Variants in INPP4B observed in about 807,000 individuals in gnomAD.
The protein encoded by INPP4B is inositol polyphosphate-4-phosphatase type II B.
A neutral mutation model predicts 122.5 loss-of-function variants in INPP4B; 55 were observed. The ratio of observed to expected loss-of-function variants is 0.45; its 90% CI spans 0.36 to 0.56. The LOEUF is 0.56. Ranked by LOEUF, INPP4B falls within the 20% of genes least tolerant of loss-of-function variation. The pLI, the probability that INPP4B is intolerant of heterozygous loss-of-function variation, is 0.00. For synonymous variants in INPP4B, 403 were observed against 388.7 expected (o/e 1.04, Z -0.43); for missense variants, 1,000 against 1,097.7 (o/e 0.91, Z 1.26).
intron 22 of INPP4B, among the ~76,000 whole-genome samples, chr4:142,111,088 T>C (rs939358470): frequency 2.0e-5 from 3 of 152,142 alleles, no homozygotes; most frequent in Non-Finnish European, 4.4e-5. Context: ...AAATAGAATA[T>C]AATCTAATCC....
Position 142,804,979 on chromosome 4 carries a change from G to T in INPP4B, c.-254+41230C>A, listed in dbSNP as rs57708171. On this transcript the variant is annotated intron_variant, in intron 1 of 25. Transcript: ENST00000262992. ...ACCATGCTCGCCTAAATTCGAAGAG[G>T]GCAGGACTCTATCTGTATCAATCAC... is the stretch of plus-strand genomic sequence containing the variant. Among the ~76,000 whole-genome samples the T allele has an allele frequency of 8.0e-3, 1,221 of 152,062 alleles. 15 individuals carry two copies. The highest frequency in any genetic ancestry group is 0.028 in the African/African-American group (1,148 of 41,510).
chr4:142,239,253 C>T (rs529339832), intron 11 of INPP4B, among the ~76,000 whole-genome samples: 8 of 152,154 alleles, frequency 5.3e-5, no homozygotes, highest in African/African-American at 1.4e-4. Flanking sequence ...ATTTTGATTT[C>T]GAACATCCCA....
intron 2 of INPP4B, among the ~76,000 whole-genome samples, chr4:142,698,511 CT>C (rs1761306248): frequency 6.6e-6 from 1 of 152,140 alleles, no homozygotes; most frequent in Admixed American, 6.6e-5. Context: ...TCTGGACTTT[CT>C]GCAGATCTCA....
chr4:142,132,054 A>C (rs1485523772), intron 18 of INPP4B, among the ~76,000 whole-genome samples: 3 of 152,118 alleles, frequency 2.0e-5, no homozygotes, highest in Non-Finnish European at 2.9e-5. Flanking sequence ...GGGTGTGAAC[A>C]TCACCATATT....
chr4:142,331,321 G>T (rs140123311), intron 7 of INPP4B, among the ~76,000 whole-genome samples: 55 of 152,268 alleles, frequency 3.6e-4, no homozygotes, highest in African/African-American at 1.3e-3. Flanking sequence ...GCTCTCCAGG[G>T]ACAGTAGAGC....
chr4:142,709,191 C>T (rs80277857), intron 2 of INPP4B, among the ~76,000 whole-genome samples: 3,804 of 152,172 alleles, frequency 0.025, 72 homozygotes, highest in Non-Finnish European at 0.041. Flanking sequence ...GCCTATACTC[C>T]CATTGTATCT....
chr4:142,119,794 T>TAC (rs1471494813), intron 21 of INPP4B, among the ~76,000 whole-genome samples: 7 of 18,210 alleles, frequency 3.8e-4, no homozygotes, highest in African/African-American at 4.4e-4. Context: ...TTAAAGTATA[T>TAC]ATACACACAC....
chr4:142,447,534 G>A (rs1813164626), intron 3 of INPP4B, among the ~76,000 whole-genome samples: 1 of 152,152 alleles, frequency 6.6e-6, no homozygotes, highest in Non-Finnish European at 1.5e-5. Context: ...ATGGAGTGGT[G>A]GTGTTAGTCT....
intron 11 of INPP4B, among the ~76,000 whole-genome samples, chr4:142,248,023 C>G (rs1408906895): frequency 6.6e-6 from 1 of 152,056 alleles, no homozygotes; most frequent in East Asian, 1.9e-4. Context: ...GAAGGCATCA[C>G]CCCTCCTGCC....
At chr4:142,664,811 C>A (rs1755739373) in intron 2 of INPP4B, among the ~76,000 whole-genome samples, 1 of 152,062 alleles carries the variant, frequency 6.6e-6, no homozygotes, top group South Asian at 2.1e-4. Context: ...AACCAAAATC[C>A]TTATGTAGTC....
chr4:142,593,229 G>T (rs1230877136), intron 2 of INPP4B, among the ~76,000 whole-genome samples: 1 of 152,090 alleles, frequency 6.6e-6, no homozygotes, highest in African/African-American at 2.4e-5. Context: ...TAGGGAGTCA[G>T]AGGAAGTTTA....
chr4:142,063,947 T>G (rs907214105), intron 25 of INPP4B, among the ~76,000 whole-genome samples: 1 of 152,190 alleles, frequency 6.6e-6, no homozygotes, highest in Non-Finnish European at 1.5e-5. Flanking sequence ...TGTGGTGAAA[T>G]TTTAATTTAT....
At chr4:142,570,367 A>G (rs978915563) in intron 2 of INPP4B, among the ~76,000 whole-genome samples, 8 of 152,144 alleles carry the variant, frequency 5.3e-5, no homozygotes, top group Non-Finnish European at 1.0e-4. Flanking sequence ...CAATAAAAAA[A>G]TTAAGTAATA....
At chr4:142,749,184 A>G (rs895190009) in intron 1 of INPP4B, among the ~76,000 whole-genome samples, 1 of 147,084 alleles carries the variant, frequency 6.8e-6, no homozygotes, top group East Asian at 2.0e-4. Flanking sequence ...ATACCTTACC[A>G]TATATAATAT....
chr4:142,738,623 AG>A (rs1293872278), intron 1 of INPP4B, among the ~76,000 whole-genome samples: 2 of 150,878 alleles, frequency 1.3e-5, no homozygotes, highest in African/African-American at 4.9e-5. Context: ...ACAAAAAAAA[AG>A]AAGCTTCTCT....
At chr4:142,139,082 A>G (rs1002443650) in intron 18 of INPP4B, among the ~76,000 whole-genome samples, 4 of 152,204 alleles carry the variant, frequency 2.6e-5, no homozygotes, top group Admixed American at 2.6e-4. Context: ...CCCTTCAAAT[A>G]GAACTTACTC....
At chr4:142,128,738 G>C (rs896356872) in intron 18 of INPP4B, among the ~76,000 whole-genome samples, 2 of 152,118 alleles carry the variant, frequency 1.3e-5, no homozygotes, top group African/African-American at 4.8e-5. Flanking sequence ...GCATATTCAA[G>C]GGAAGCTCAC....
chr4:142,168,205 T>C (rs1233309186), intron 16 of INPP4B, among the ~76,000 whole-genome samples: 10 of 151,606 alleles, frequency 6.6e-5, no homozygotes, highest in Non-Finnish European at 1.0e-4. Flanking sequence ...ATTGAGCTTC[T>C]TGGGTCTGTA....
chr4:142,442,000 T>C (rs1811828646), intron 3 of INPP4B, among the ~76,000 whole-genome samples: 1 of 152,068 alleles, frequency 6.6e-6, no homozygotes, highest in Non-Finnish European at 1.5e-5. Flanking sequence ...ATGCATGATC[T>C]GAAATTGATG....
Sources: allele counts gnomAD v4.1 joint callset (sites outside exome capture counted in the v4.1 genomes callset), GRCh38; gene constraint gnomAD v4.1.1; transcripts MANE v1.5; gene names NCBI Gene and HGNC (gene_info 2026-07-23, HGNC 2026-07-21).